CAMK1D: variants seen among roughly 807,000 people sequenced by gnomAD.
CAMK1D encodes the protein calcium/calmodulin-dependent protein kinase type 1D.
In CAMK1D, 9 loss-of-function variants were observed where a neutral mutation model predicts 47.7. The observed-to-expected ratio is 0.19, with a 90% CI of 0.11 to 0.33. The LOEUF (loss-of-function observed/expected upper bound fraction) is 0.33, where lower values mean the gene tolerates loss of function less well. CAMK1D is among the 10% of genes least tolerant of loss of function. CAMK1D has a pLI of 1.00. For synonymous variants in CAMK1D, 184 were observed against 184.9 expected, an observed-to-expected ratio of 0.99 and a Z score of 0.04; for missense variants, 291 against 488.7, an observed-to-expected ratio of 0.60 and a Z score of 3.81.
At chr10:12,818,083 C>T (rs1262123506) in intron 8 of CAMK1D, among the ~76,000 whole-genome samples, 1 of 152,114 alleles carries the variant, frequency 6.6e-6, no homozygotes, top group African/African-American at 2.4e-5. Context: ...ATGGACAGAA[C>T]CTTGAGATCA....
At chr10:12,486,195 G>A (rs1160466109) in intron 1 of CAMK1D, among the ~76,000 whole-genome samples, 42 of 148,010 alleles carry the variant, frequency 2.8e-4, no homozygotes, top group African/African-American at 1.0e-3. Context: ...GTCTCGCTCT[G>A]TCACCCAGGC....
At chr10:12,517,717 A>G (rs1269825637) in intron 1 of CAMK1D, among the ~76,000 whole-genome samples, 2 of 149,176 alleles carry the variant, frequency 1.3e-5, no homozygotes, top group Non-Finnish European at 3.0e-5. Context: ...CTTGAAATGC[A>G]TATCACGTAG....
At chr10:12,563,527 ACAGAAATACTGTTTTACCGGCTGT>A (rs1435994654) in intron 2 of CAMK1D, among the ~76,000 whole-genome samples, 2 of 152,186 alleles carry the variant, frequency 1.3e-5, no homozygotes, top group Non-Finnish European at 2.9e-5. Context: ...CACCAGAAAT[ACAGAAATACTGTTTTACCGGCTGT>A]CTGGGCATCC....
At chr10:12,816,482 G>A (rs1379610112) in intron 8 of CAMK1D, among the ~76,000 whole-genome samples, 154 bp downstream of exon 8, 1 of 152,030 alleles carries the variant, frequency 6.6e-6, no homozygotes, top group African/African-American at 2.4e-5. Flanking sequence ...CTCTCCCCAA[G>A]CCAACATTTG....
chr10:12,544,582 G>A (rs1836298489), intron 1 of CAMK1D, among the ~76,000 whole-genome samples: 1 of 152,256 alleles, frequency 6.6e-6, no homozygotes, highest in Non-Finnish European at 1.5e-5. Context: ...AATAAATCAG[G>A]AAGGACTCAA....
At chr10:12,614,527 T>G (rs1838723434) in intron 2 of CAMK1D, among the ~76,000 whole-genome samples, 1 of 152,248 alleles carries the variant, frequency 6.6e-6, no homozygotes, top group Non-Finnish European at 1.5e-5. Flanking sequence ...CTTTATAGGG[T>G]TGAATACACA....
intron 3 of CAMK1D, among the ~76,000 whole-genome samples, chr10:12,724,822 G>C (rs1834542608): frequency 6.6e-6 from 1 of 151,936 alleles, no homozygotes; most frequent in Non-Finnish European, 1.5e-5. Context: ...GGAGGCTGCA[G>C]TGAGCTACGG....
At chr10:12,562,279 C>T (rs1588635081) in intron 2 of CAMK1D, among the ~76,000 whole-genome samples, 3 of 152,168 alleles carry the variant, frequency 2.0e-5, no homozygotes, top group Admixed American at 2.0e-4. Context: ...TAGAGCTAAC[C>T]TAGTCCCATG....
rs1486249202 is a variant in CAMK1D, at chr10:12,401,180, A to G, written c.92+51270A>G. On this transcript the variant is annotated intron_variant, in intron 1 of 10. Transcript: ENST00000619168. ...TATATATAATATATGTATTATATAT[A>G]TTATATATATATTTTATATATATAT... Among the ~76,000 whole-genome samples, 240 of 53,196 alleles carry G rather than the reference A, an allele frequency of 4.5e-3. 23 individuals carry two copies. The highest frequency in any genetic ancestry group is 0.021 in the African/African-American group (233 of 11,314). 34.9% of individuals were successfully genotyped at this position (53,196 alleles called of 152,430 possible). A position where few individuals can be genotyped will look rare whatever the true frequency, so the allele number is the denominator to read the frequency against.
At chr10:12,461,983 C>T (rs573609160) in intron 1 of CAMK1D, among the ~76,000 whole-genome samples, 8 of 74,604 alleles carry the variant, frequency 1.1e-4, no homozygotes, top group Admixed American at 3.9e-4. Flanking sequence ...TCCCACCCAG[C>T]GCTTCTTACG....
At chr10:12,546,676 T>A (rs1454060287) in intron 1 of CAMK1D, among the ~76,000 whole-genome samples, 1 of 152,034 alleles carries the variant, frequency 6.6e-6, no homozygotes, top group Non-Finnish European at 1.5e-5. Flanking sequence ...TGGATGAAGC[T>A]GGAAACCATC....
chr10:12,690,760 G>C (rs1202560318), intron 3 of CAMK1D, among the ~76,000 whole-genome samples: 1 of 152,130 alleles, frequency 6.6e-6, no homozygotes, highest in African/African-American at 2.4e-5. Flanking sequence ...CGGGGGTGAG[G>C]GTCATGGGGA....
chr10:12,506,415 G>T (rs1834873170), intron 1 of CAMK1D, among the ~76,000 whole-genome samples: 1 of 152,088 alleles, frequency 6.6e-6, no homozygotes, highest in Admixed American at 6.5e-5. Flanking sequence ...GTGAGACTCT[G>T]TCTCAAAAAG....
At chr10:12,719,790 A>G (rs938787814) in intron 3 of CAMK1D, among the ~76,000 whole-genome samples, 2 of 152,224 alleles carry the variant, frequency 1.3e-5, no homozygotes, top group Non-Finnish European at 2.9e-5. Flanking sequence ...GATGAAACCT[A>G]TGGATAACAC....
At chr10:12,532,131 T>A (rs1266224970) in intron 1 of CAMK1D, among the ~76,000 whole-genome samples, 1 of 152,226 alleles carries the variant, frequency 6.6e-6, no homozygotes. Flanking sequence ...AGAAAAATCT[T>A]ATTTTTTTAT....
At chr10:12,762,751 G>A (rs577381798) in intron 4 of CAMK1D, among the ~76,000 whole-genome samples, 10 of 152,136 alleles carry the variant, frequency 6.6e-5, no homozygotes, top group African/African-American at 1.9e-4. Context: ...GGCTGTGGGC[G>A]TGGTCAGCTC....
rs1393350499 is a variant in CAMK1D at position 12,518,786 on chromosome 10, G to C, written c.93-34439G>C. On this transcript the variant is annotated intron_variant, in intron 1 of 10. Coordinates refer to ENST00000619168, the MANE Select transcript of CAMK1D (RefSeq NM_153498.4). The stretch of plus-strand genomic sequence containing the variant: ...CTGAGTGGACACAGCACATGTTTCA[G>C]AGAGCACAGGGTTGGGGTTAAGGTC... Among the ~76,000 whole-genome samples, 14 of 103,850 alleles carry C rather than the reference G, an allele frequency of 1.3e-4. 3 individuals carry two copies. The highest frequency in any genetic ancestry group is 1.3e-3 in the Admixed American group (14 of 10,844). The allele number at this position is 103,850 out of a possible 152,430, so 68.1% of individuals were successfully genotyped here.
chr10:12,422,044 G>A (rs2131969236), intron 1 of CAMK1D, among the ~76,000 whole-genome samples: 1 of 152,238 alleles, frequency 6.6e-6, no homozygotes, highest in Admixed American at 6.5e-5. Flanking sequence ...CCCGATCTCA[G>A]GTGATCCGCC....
chr10:12,794,217 G>T lies in CAMK1D; in HGVS notation c.641+2984G>T, dbSNP rs114669359. On this transcript the variant is annotated intron_variant, in intron 6 of 10. Coordinates refer to ENST00000619168, the MANE Select transcript of CAMK1D (RefSeq NM_153498.4). Reference sequence around the variant, plus strand: ...TATTTTGGATGTGGAGGATGAAGGAGAGGTAGTCTTCAAGTCTCAATCCAA... The same window carrying T: ...TATTTTGGATGTGGAGGATGAAGGATAGGTAGTCTTCAAGTCTCAATCCAA... Among the ~76,000 whole-genome samples the T allele has an allele frequency of 7.4e-3, 1,123 of 152,216 alleles. 10 individuals carry two copies. The highest frequency in any genetic ancestry group is 0.026 in the African/African-American group (1,069 of 41,530).
Sources: allele counts gnomAD v4.1 joint callset (sites outside exome capture counted in the v4.1 genomes callset), GRCh38; gene constraint gnomAD v4.1.1; transcripts MANE v1.5; gene names NCBI Gene and HGNC (gene_info 2026-07-23, HGNC 2026-07-21).